PDE1C: variants seen among roughly 807,000 people sequenced by gnomAD.
The protein encoded by PDE1C is phosphodiesterase 1C, also known as dual specificity calcium/calmodulin-dependent 3',5'-cyclic nucleotide phosphodiesterase 1C.
PDE1C carries 62 observed loss-of-function variants against 93.1 expected under a neutral mutation model. That is an observed-to-expected ratio of 0.67 (90% CI 0.54 to 0.82). The LOEUF (loss-of-function observed/expected upper bound fraction) is 0.82. Among genes scored for constraint, PDE1C ranks in the 40% least tolerant of loss-of-function variants. The pLI, the probability that PDE1C is intolerant of heterozygous loss-of-function variation, is 0.00. For missense variants in PDE1C, 742 were observed against 884.6 expected (o/e 0.84, Z 2.04); for synonymous variants, 325 against 310.1 (o/e 1.05, Z -0.50).
chr7:31,733,710 T>G, the PDE1C span, among the ~76,000 whole-genome samples: 8 of 152,210 alleles, frequency 5.3e-5, no homozygotes, highest in Non-Finnish European at 1.0e-4. Flanking sequence ...AAATGCTTCT[T>G]TCAGCCGGGC....
chr7:31,794,218 C>T (rs971836558), intron 16 of PDE1C, among the ~76,000 whole-genome samples: 1 of 151,858 alleles, frequency 6.6e-6, no homozygotes, highest in African/African-American at 2.4e-5. Flanking sequence ...CTAAAATTTA[C>T]CCATTTGATC....
chr7:31,886,872 AT>A (rs1798008326), intron 2 of PDE1C, among the ~76,000 whole-genome samples: 2 of 151,874 alleles, frequency 1.3e-5, no homozygotes, highest in African/African-American at 4.8e-5. Context: ...ATCTATTCGG[AT>A]CTATTCAGGG....
At chr7:32,109,217 A>C (rs879445815) in intron 3 of PDE1C, among the ~76,000 whole-genome samples, 8 of 152,154 alleles carry the variant, frequency 5.3e-5, no homozygotes, top group Non-Finnish European at 1.2e-4. Flanking sequence ...AACTAGATAA[A>C]AACTAAATAT....
intron 7 of PDE1C, among the ~76,000 whole-genome samples, chr7:31,856,720 G>C (rs1325236152): frequency 1.4e-5 from 2 of 143,748 alleles, no homozygotes; most frequent in Non-Finnish European, 3.0e-5. Context: ...TATTGTAGAA[G>C]CATGCCTAAT....
chr7:32,000,966 T>C (rs141505534), intron 2 of PDE1C, among the ~76,000 whole-genome samples: 1 of 151,996 alleles, frequency 6.6e-6, no homozygotes, highest in Non-Finnish European at 1.5e-5. Flanking sequence ...CTCTCCACGT[T>C]TGTATACATG....
At chr7:32,055,637 C>A (rs73098645) in intron 1 of PDE1C, among the ~76,000 whole-genome samples, 9,029 of 152,064 alleles carry the variant, frequency 0.059, 306 homozygotes, top group Non-Finnish European at 0.072. Context: ...GGAAAAAAAA[C>A]CCCAGTTTAT....
chr7:31,907,070 G>GGT (rs55999814), intron 2 of PDE1C, among the ~76,000 whole-genome samples: 13,774 of 145,252 alleles, frequency 0.095, 773 homozygotes, highest in Middle Eastern at 0.2. Flanking sequence ...TGATATGTGG[G>GGT]GTGTGTGTGT....
At chr7:32,267,840 G>A (rs1258410145) in intron 1 of PDE1C, among the ~76,000 whole-genome samples, 1 of 152,134 alleles carries the variant, frequency 6.6e-6, no homozygotes, top group African/African-American at 2.4e-5. Flanking sequence ...CATCCATGGA[G>A]CATACAGGCA....
chr7:32,085,387 G>C (rs964123576), intron 3 of PDE1C, among the ~76,000 whole-genome samples: 4 of 143,270 alleles, frequency 2.8e-5, no homozygotes, highest in African/African-American at 5.3e-5. Context: ...AAAGAGTCCA[G>C]GACCAGATGG....
chr7:31,803,782 T>C (rs1458493069), intron 16 of PDE1C, among the ~76,000 whole-genome samples: 1 of 152,034 alleles, frequency 6.6e-6, no homozygotes, highest in Non-Finnish European at 1.5e-5. Context: ...CACATTTTCT[T>C]AATTCAGTCT....
the PDE1C span, among the ~76,000 whole-genome samples, chr7:31,725,942 C>CA: frequency 2.0e-5 from 3 of 152,024 alleles, no homozygotes; most frequent in East Asian, 1.9e-4. Context: ...AGAAAAATCC[C>CA]AAAAAATAGG....
chr7:32,395,876 T>G (rs1474103034), intron 1 of PDE1C, among the ~76,000 whole-genome samples: 1 of 150,884 alleles, frequency 6.6e-6, no homozygotes, highest in Non-Finnish European at 1.5e-5. Context: ...CTAAAAAAAA[T>G]ATTTTACTTT....
At chr7:31,689,207 G>T in the PDE1C span, among the ~76,000 whole-genome samples, 1 of 152,164 alleles carries the variant, frequency 6.6e-6, no homozygotes, top group Non-Finnish European at 1.5e-5. Flanking sequence ...TTAGAATTCA[G>T]AGCCCACACT....
intron 11 of PDE1C, among the ~76,000 whole-genome samples, chr7:31,836,199 G>A (rs1791077942): frequency 6.6e-6 from 1 of 152,178 alleles, no homozygotes; most frequent in African/African-American, 2.4e-5. Context: ...AGCACCTCTA[G>A]AGATAAGGTT....
chr7:32,316,459 G>A (rs1033344919), intron 1 of PDE1C, among the ~76,000 whole-genome samples: 3 of 152,168 alleles, frequency 2.0e-5, no homozygotes, highest in African/African-American at 4.8e-5. Context: ...ACCAGCATGC[G>A]ATACCTTGTA....
chr7:31,877,690 A>G (rs541189523), intron 5 of PDE1C, among the ~76,000 whole-genome samples: 3 of 147,116 alleles, frequency 2.0e-5, no homozygotes, highest in African/African-American at 5.0e-5. Flanking sequence ...GCAAAATCAG[A>G]TAACTCTCAT....
At chr7:32,085,848 G>A (rs1205077013) in intron 3 of PDE1C, among the ~76,000 whole-genome samples, 4 of 146,112 alleles carry the variant, frequency 2.7e-5, no homozygotes, top group South Asian at 2.3e-4. Context: ...TTGATGGGAC[G>A]TATCTCAAAA....
intron 16 of PDE1C, chr7:31,790,313 C>T (rs1228260767): frequency 1.3e-6 from 2 of 1,491,626 alleles, no homozygotes; most frequent in African/African-American, 2.8e-5. Context: ...TCCCCCCGCC[C>T]ACCTCCACCC....
chr7:32,297,176 G>T (rs1047972530), intron 1 of PDE1C, among the ~76,000 whole-genome samples: 1 of 152,120 alleles, frequency 6.6e-6, no homozygotes, highest in Non-Finnish European at 1.5e-5. Context: ...TTGGAGAAGG[G>T]CAAGTGTTCA....
Sources: gnomAD v4.1 joint callset for allele counts (sites outside exome capture counted in the v4.1 genomes callset) on GRCh38, gnomAD v4.1.1 for gene constraint, MANE v1.5 for transcripts, NCBI Gene and HGNC (gene_info 2026-07-23, HGNC 2026-07-21) for gene names.